SAMSN1: variants seen among roughly 807,000 people sequenced by gnomAD.
The protein encoded by SAMSN1 is SAM domain, SH3 domain and nuclear localization signals 1.
Under a neutral mutation model 42.0 loss-of-function variants are expected in SAMSN1, and 31 were observed. That is an observed-to-expected ratio of 0.74 (90% CI 0.55 to 1.00). The LOEUF (loss-of-function observed/expected upper bound fraction) is 1.00, where lower values mean the gene tolerates loss of function less well. SAMSN1 is among the 50% of genes least tolerant of loss of function. The probability of loss-of-function intolerance (pLI) is 0.00; values close to 1 mark genes in which losing one functional copy is unlikely to be tolerated. For synonymous variants in SAMSN1, 178 were observed against 151.9 expected, an observed-to-expected ratio of 1.17 and a Z score of -1.26; for missense variants, 464 against 439.4, an observed-to-expected ratio of 1.06 and a Z score of -0.50.
intron 7 of SAMSN1, among the ~76,000 whole-genome samples, chr21:14,592,824 C>G (rs1048354589): frequency 5.9e-5 from 9 of 152,128 alleles, no homozygotes; most frequent in African/African-American, 2.2e-4. Context: ...ATCTAGTTCT[C>G]TTGCTTCTGT....
chr21:14,605,845 T>TTTAA (rs1163792200), intron 5 of SAMSN1, among the ~76,000 whole-genome samples: 1 of 150,022 alleles, frequency 6.7e-6, no homozygotes, highest in African/African-American at 2.5e-5. Flanking sequence ...TATTTATTTA[T>TTTAA]TTATTTATTT....
chr21:14,629,231 C>G (rs144613512), intron 2 of SAMSN1, among the ~76,000 whole-genome samples: 4 of 152,262 alleles, frequency 2.6e-5, no homozygotes, highest in African/African-American at 9.6e-5. Context: ...TAATTTAGTA[C>G]TATTTGAAGA....
intron 2 of SAMSN1, among the ~76,000 whole-genome samples, chr21:14,626,914 T>C (rs1169108881): frequency 6.6e-6 from 1 of 152,172 alleles, no homozygotes; most frequent in African/African-American, 2.4e-5. Context: ...TAAGAAAATA[T>C]GGCACATATA....
At chr21:14,609,550 T>A in exon 5 of SAMSN1, 1 of 718,068 alleles carries the variant, frequency 1.4e-6, no homozygotes, top group Non-Finnish European at 2.6e-6. Flanking sequence ...CCAGATTTTG[T>A]CATTCACAGT....
chr21:14,561,970 C>G (rs987863915), intron 2 of SAMSN1, among the ~76,000 whole-genome samples: 13 of 151,892 alleles, frequency 8.6e-5, no homozygotes, highest in Admixed American at 5.2e-4. Context: ...ATGGCCCTGC[C>G]AATACCTTGA....
At chr21:14,589,535 A>G (rs1167083748) in intron 7 of SAMSN1, among the ~76,000 whole-genome samples, 1 of 152,114 alleles carries the variant, frequency 6.6e-6, no homozygotes, top group Non-Finnish European at 1.5e-5. Flanking sequence ...CATAATTAAG[A>G]AGGAAATATA....
intron 2 of SAMSN1, among the ~76,000 whole-genome samples, chr21:14,628,438 C>T (rs2123357284): frequency 6.6e-6 from 1 of 151,868 alleles, no homozygotes; most frequent in South Asian, 2.1e-4. Context: ...TAAAATAAAA[C>T]AATTTTAAAA....
intron 1 of SAMSN1, chr21:14,523,499 A>G (rs756579813): frequency 6.6e-6 from 1 of 152,206 alleles, no homozygotes; most frequent in Non-Finnish European, 1.5e-5. Context: ...TTCCCAGAAT[A>G]TGAATCACTC....
At chr21:14,552,359 C>G (rs1980626654) in intron 2 of SAMSN1, among the ~76,000 whole-genome samples, 1 of 152,074 alleles carries the variant, frequency 6.6e-6, no homozygotes, top group Admixed American at 6.6e-5. Context: ...TCCCAAAATT[C>G]ATATGTTGGA....
intron 2 of SAMSN1, among the ~76,000 whole-genome samples, chr21:14,566,180 A>G (rs1486308315): frequency 6.6e-6 from 1 of 152,212 alleles, no homozygotes; most frequent in Non-Finnish European, 1.5e-5. Context: ...CTCCACTTGC[A>G]TCTGAATTGA....
chr21:14,646,512 C>T (rs1035786594), intron 1 of SAMSN1, among the ~76,000 whole-genome samples: 3 of 152,034 alleles, frequency 2.0e-5, no homozygotes, highest in Admixed American at 1.3e-4. Context: ...ATAAGAAATG[C>T]TAAAGGGAGT....
At chr21:14,613,165 T>A (rs1982752861) in intron 3 of SAMSN1, among the ~76,000 whole-genome samples, 2 of 152,148 alleles carry the variant, frequency 1.3e-5, no homozygotes, top group African/African-American at 4.8e-5. Context: ...AAATAGTAAG[T>A]CTTTTTACGT....
At chr21:14,577,829 C>G (rs1392477242) in intron 2 of SAMSN1, among the ~76,000 whole-genome samples, 1 of 152,132 alleles carries the variant, frequency 6.6e-6, no homozygotes, top group East Asian at 1.9e-4. Context: ...TGGAGTATAC[C>G]CTTTCATAAA....
chr21:14,494,147 T>C (rs1029918480), intron 7 of SAMSN1, among the ~76,000 whole-genome samples: 1 of 152,236 alleles, frequency 6.6e-6, no homozygotes, highest in East Asian at 1.9e-4. Flanking sequence ...TCAAAGACAG[T>C]GTGGCGATCC....
intron 2 of SAMSN1, among the ~76,000 whole-genome samples, chr21:14,574,590 C>T (rs1361293159): frequency 6.6e-6 from 1 of 152,104 alleles, no homozygotes; most frequent in Non-Finnish European, 1.5e-5. Context: ...CAAACATCAA[C>T]CCAAATAATT....
At chr21:14,495,059 C>A (rs1216379940) in intron 7 of SAMSN1, among the ~76,000 whole-genome samples, 1 of 152,196 alleles carries the variant, frequency 6.6e-6, no homozygotes, top group African/African-American at 2.4e-5. Flanking sequence ...AAACTGACAT[C>A]ATTCAATGAT....
intron 3 of SAMSN1, among the ~76,000 whole-genome samples, chr21:14,614,526 C>CT (rs143571618): frequency 0.026 from 3,984 of 152,260 alleles, 104 homozygotes; most frequent in South Asian, 0.08. Flanking sequence ...GTGTTTCCCA[C>CT]ATTCATATTC....
chr21:14,489,655 A>C (rs887406119), intron 7 of SAMSN1, among the ~76,000 whole-genome samples: 8 of 152,168 alleles, frequency 5.3e-5, no homozygotes, highest in African/African-American at 1.9e-4. Flanking sequence ...AAAGCTGTAT[A>C]ATTCTGTACT....
At chr21:14,640,990 T>G (rs1428964729) in intron 2 of SAMSN1, among the ~76,000 whole-genome samples, 13 of 120,426 alleles carry the variant, frequency 1.1e-4, no homozygotes, top group Non-Finnish European at 9.0e-5. Context: ...AATGGTTTGG[T>G]TTTTATGCAT....
Sources: allele counts gnomAD v4.1 joint callset (sites outside exome capture counted in the v4.1 genomes callset), GRCh38; gene constraint gnomAD v4.1.1; transcripts MANE v1.5; gene names NCBI Gene and HGNC (gene_info 2026-07-23, HGNC 2026-07-21).